The following RBFOX1 variants were observed in gnomAD, a reference collection of about 807,000 sequenced individuals.
RBFOX1 encodes the protein RNA binding fox-1 homolog 1.
A neutral mutation model predicts 57.7 loss-of-function variants in RBFOX1; 8 were observed. The ratio of observed to expected loss-of-function variants is 0.14; its 90% CI spans 0.08 to 0.25. The LOEUF is 0.25. RBFOX1 is among the 10% of genes least tolerant of loss of function. The pLI, the probability that RBFOX1 is intolerant of heterozygous loss-of-function variation, is 1.00. For synonymous variants in RBFOX1, 326 were observed against 222.4 expected (o/e 1.47, Z -4.15); for missense variants, 611 against 548.5 (o/e 1.11, Z -1.14).
chr16:6,918,958 A>G (rs1597211277), intron 3 of RBFOX1, among the ~76,000 whole-genome samples: 1 of 152,038 alleles, frequency 6.6e-6, no homozygotes, highest in Non-Finnish European at 1.5e-5. Context: ...CCATTTCTCC[A>G]TTTAATAACA....
chr16:6,716,497 T>C (rs2064848833), intron 3 of RBFOX1, among the ~76,000 whole-genome samples: 1 of 152,234 alleles, frequency 6.6e-6, no homozygotes. Context: ...TACCTGCCCA[T>C]TTCAGCAACT....
At chr16:6,947,817 C>G (rs1017394437) in intron 3 of RBFOX1, among the ~76,000 whole-genome samples, 1 of 152,122 alleles carries the variant, frequency 6.6e-6, no homozygotes, top group Non-Finnish European at 1.5e-5. Context: ...TGCTCTGTCG[C>G]TCAAGCTGCA....
At chr16:6,451,049 C>G (rs1597423203) in intron 2 of RBFOX1, among the ~76,000 whole-genome samples, 1 of 150,504 alleles carries the variant, frequency 6.6e-6, no homozygotes, top group South Asian at 2.1e-4. Flanking sequence ...CCAACCACAC[C>G]TCCATATTTC....
intron 3 of RBFOX1, among the ~76,000 whole-genome samples, chr16:5,753,213 A>G (rs1026535705): frequency 1.3e-5 from 2 of 152,126 alleles, no homozygotes; most frequent in African/African-American, 2.4e-5. Context: ...CTAAACTTCA[A>G]TAATGGTCCT....
intron 3 of RBFOX1, among the ~76,000 whole-genome samples, chr16:5,769,733 C>T (rs1250757482): frequency 6.6e-6 from 1 of 152,110 alleles, no homozygotes; most frequent in African/African-American, 2.4e-5. Context: ...GAGTCATCTA[C>T]AGTGAGAGGG....
intron 4 of RBFOX1, among the ~76,000 whole-genome samples, chr16:7,263,479 C>A (rs1287276677): frequency 6.6e-6 from 1 of 152,128 alleles, no homozygotes; most frequent in Non-Finnish European, 1.5e-5. Flanking sequence ...CAATTTAAAC[C>A]AGTGTCTCTG....
At chr16:7,672,248 G>A (rs2071707242) in intron 13 of RBFOX1, among the ~76,000 whole-genome samples, 2 of 152,188 alleles carry the variant, frequency 1.3e-5, no homozygotes, top group African/African-American at 4.8e-5. Context: ...ATTGGAATGT[G>A]GCTGGCCTAG....
At chr16:5,654,465 G>A (rs1223955713) in intron 3 of RBFOX1, among the ~76,000 whole-genome samples, 1 of 152,158 alleles carries the variant, frequency 6.6e-6, no homozygotes, top group African/African-American at 2.4e-5. Flanking sequence ...GGTTGGGAAG[G>A]AACGTTCTCA....
chr16:6,873,523 G>A (rs185598827), intron 3 of RBFOX1, among the ~76,000 whole-genome samples: 42 of 152,170 alleles, frequency 2.8e-4, no homozygotes, highest in African/African-American at 9.4e-4. Flanking sequence ...TTATGGCTGT[G>A]TTCTTGTAAT....
chr16:7,397,077 A>G (rs907791771), intron 4 of RBFOX1, among the ~76,000 whole-genome samples: 1 of 152,240 alleles, frequency 6.6e-6, no homozygotes, highest in East Asian at 1.9e-4. Flanking sequence ...AACTTAGCAC[A>G]TGAAAAATGA....
At chr16:5,428,840 G>C (rs1357315831) in intron 1 of RBFOX1, among the ~76,000 whole-genome samples, 1 of 152,198 alleles carries the variant, frequency 6.6e-6, no homozygotes, top group East Asian at 1.9e-4. Context: ...GGGACCAAGT[G>C]CTCAGGCAGA....
intron 2 of RBFOX1, among the ~76,000 whole-genome samples, chr16:5,489,229 C>T (rs548391879): frequency 6.6e-6 from 1 of 152,226 alleles, no homozygotes; most frequent in South Asian, 2.1e-4. Context: ...GTTCTCCTCT[C>T]ATGCTTCCCT....
rs189949353 is a variant in RBFOX1 at position 5,584,945 on chromosome 16, C to T, written c.259-13957C>T. Reference sequence around the variant, plus strand: ...TATTTGAAAAAATACGGTCAAAGCACAAAGGGAGGGATAGAAGTCTGGGTC... The same window carrying T: ...TATTTGAAAAAATACGGTCAAAGCATAAAGGGAGGGATAGAAGTCTGGGTC... On this transcript the variant is annotated intron_variant, in intron 2 of 2. Coordinates refer to the RBFOX1 transcript ENST00000585867. 5.4e-3 allele frequency among the ~76,000 whole-genome samples: 820 copies of T among 151,944 alleles called. 5 individuals are homozygous for T. Among genetic ancestry groups the T allele is most frequent in the Non-Finnish European group, 9.4e-3 (638 of 67,996 alleles).
intron 4 of RBFOX1, among the ~76,000 whole-genome samples, chr16:6,002,210 C>G (rs991825499): frequency 6.6e-6 from 1 of 152,156 alleles, no homozygotes; most frequent in Non-Finnish European, 1.5e-5. Flanking sequence ...TTCCTGGACT[C>G]AAATGATCCT....
At chr16:7,033,001 G>T (rs1415031143) in intron 3 of RBFOX1, among the ~76,000 whole-genome samples, 5 of 152,148 alleles carry the variant, frequency 3.3e-5, no homozygotes, top group Admixed American at 3.3e-4. Context: ...CTGGAAATCA[G>T]CTCAGCAAAA....
chr16:5,270,442 T>C (rs186745532), intron 1 of RBFOX1: 48 of 873,040 alleles, frequency 5.5e-5, no homozygotes, highest in Admixed American at 2.9e-4. Flanking sequence ...TTACTGAAGA[T>C]GTTCAGGGCA....
chr16:6,977,948 A>ATAAATAAAT (rs1555705895), intron 3 of RBFOX1, among the ~76,000 whole-genome samples: 1 of 56,344 alleles, frequency 1.8e-5, no homozygotes, highest in Non-Finnish European at 8.1e-5. Flanking sequence ...AAAAAAAAAA[A>ATAAATAAAT]AAAGGCAAAC....
At chr16:6,711,494 T>C (rs1253626811) in intron 3 of RBFOX1, among the ~76,000 whole-genome samples, 1 of 152,168 alleles carries the variant, frequency 6.6e-6, no homozygotes, top group East Asian at 1.9e-4. Context: ...TGGGTCATGC[T>C]GTTCTTGTGG....
At chr16:6,421,483 C>T (rs1013946191) in intron 2 of RBFOX1, among the ~76,000 whole-genome samples, 1 of 152,170 alleles carries the variant, frequency 6.6e-6, no homozygotes, top group Non-Finnish European at 1.5e-5. Flanking sequence ...CAGGGGAATG[C>T]TTCTTAGAAG....
Sources: allele counts gnomAD v4.1 joint callset (sites outside exome capture counted in the v4.1 genomes callset), GRCh38; gene constraint gnomAD v4.1.1; transcripts MANE v1.5; gene names NCBI Gene and HGNC (gene_info 2026-07-23, HGNC 2026-07-21).